MTUS2: variants seen among roughly 807,000 people sequenced by gnomAD.
The protein encoded by MTUS2 is microtubule associated scaffold protein 2, also known as microtubule-associated tumor suppressor candidate 2.
A neutral mutation model predicts 114.1 loss-of-function variants in MTUS2; 40 were observed. That is an observed-to-expected ratio of 0.35 (90% confidence interval 0.27 to 0.46). The LOEUF (loss-of-function observed/expected upper bound fraction) is 0.46, where lower values mean the gene tolerates loss of function less well. MTUS2 is among the 20% of genes least tolerant of loss of function. MTUS2 has a pLI of 1.00. For synonymous variants in MTUS2, 688 were observed against 672.0 expected, an observed-to-expected ratio of 1.02 and a Z score of -0.37; for missense variants, 1,679 against 1,705.4, an observed-to-expected ratio of 0.98 and a Z score of 0.27.
At position 29,025,489 on chromosome 13, in the gene MTUS2, C is replaced by A; in HGVS notation, c.791C>A (p.Ala264Glu). 6.2e-7 allele frequency: 1 copy of A among 1,613,504 alleles called. No individual in the cohort carries two copies. The highest frequency in any genetic ancestry group is 8.5e-7 in the Non-Finnish European group (1 of 1,179,674). The change falls in exon 3 of 16, where the codon GCA (alanine) becomes GAA (glutamate). Residue 264 changes from alanine to glutamate, a missense_variant. Transcript: ENST00000612955. Reference protein sequence around the residue: ...STPSETQTVGAHVLQVCSEHT... With the variant: ...STPSETQTVGEHVLQVCSEHT... Reference sequence around the variant, plus strand: ...CCCTCAGAGACCCAAACAGTGGGGGCACATGTACTGCAGGTGTGCAGTGAG... The same window carrying A: ...CCCTCAGAGACCCAAACAGTGGGGGAACATGTACTGCAGGTGTGCAGTGAG...
At chr13:29,001,190 T>C (rs900328417) in intron 2 of MTUS2, among the ~76,000 whole-genome samples, 1 of 151,806 alleles carries the variant, frequency 6.6e-6, no homozygotes, top group Non-Finnish European at 1.5e-5. Context: ...CTCAGTGAGC[T>C]GAAGAGCCAC....
rs1225289191 is a variant in MTUS2 at position 29,365,668 on chromosome 13, G to A, written c.3117+6195G>A. 3.3e-5 allele frequency among the ~76,000 whole-genome samples: 5 copies of A among 152,120 alleles called. No individual in the cohort carries two copies. In the East Asian group the frequency reaches 9.7e-4, roughly 29 times the overall value. On this transcript the variant is annotated intron_variant, in intron 8 of 15. Transcript: ENST00000612955. ...TGGTTAAACCTGGTCTGTAGTAAAA[G>A]TGCGTGCCTTTAAGATATTCTGGGA... is the stretch of plus-strand genomic sequence containing the variant.
chr13:28,944,971 C>G (rs907180372), intron 2 of MTUS2, among the ~76,000 whole-genome samples: 2 of 152,122 alleles, frequency 1.3e-5, no homozygotes, highest in Non-Finnish European at 2.9e-5. Flanking sequence ...TTCCTCACCC[C>G]CTCCCACCCT....
chr13:28,975,476 TCGCCC>T (rs370272567), intron 2 of MTUS2, among the ~76,000 whole-genome samples: 103,484 of 149,502 alleles, frequency 0.69, 35,488 homozygotes, highest in East Asian at 0.77. Context: ...TGCGGCAGCA[TCGCCC>T]TCCCCTGCGG....
At chr13:29,355,210 CAGCCTTTGCACGCAACGCCT>C (rs1159146893) in intron 7 of MTUS2, among the ~76,000 whole-genome samples, 1 of 152,174 alleles carries the variant, frequency 6.6e-6, no homozygotes, top group Non-Finnish European at 1.5e-5. Context: ...CTCCAGTGCT[CAGCCTTTGCACGCAACGCCT>C]AGCCTTTGCA....
rs117983971 is a variant in MTUS2 at position 28,894,597 on chromosome 13, T to C, written c.-243+54747T>C. 5.6e-3 allele frequency among the ~76,000 whole-genome samples: 860 copies of C among 152,344 alleles called. 8 individuals are homozygous for C. The highest frequency in any genetic ancestry group is 0.014 in the South Asian group (68 of 4,826). On this transcript the variant is annotated intron_variant, in intron 2 of 15. Coordinates refer to ENST00000612955, the MANE Select transcript of MTUS2 (RefSeq NM_001033602.4). ...CAAGCTGACCAATACAGTGCTACCATGTGCAAAACTTAGGACAACTGAGGG... is the reference window on the plus strand; with the variant it reads ...CAAGCTGACCAATACAGTGCTACCACGTGCAAAACTTAGGACAACTGAGGG...
At chr13:28,866,721 A>G (rs907448354) in intron 2 of MTUS2, among the ~76,000 whole-genome samples, 2 of 152,132 alleles carry the variant, frequency 1.3e-5, no homozygotes, top group African/African-American at 4.8e-5. Context: ...GTTAACTTGT[A>G]GTAGTTTGAA....
intron 1 of MTUS2, among the ~76,000 whole-genome samples, chr13:28,826,795 G>A (rs911961093): frequency 2.0e-5 from 3 of 152,128 alleles, no homozygotes; most frequent in Non-Finnish European, 2.9e-5. Flanking sequence ...ATATAGCCTT[G>A]GATTACAATA....
chr13:29,150,785 T>G (rs1892632685), intron 5 of MTUS2, among the ~76,000 whole-genome samples: 1 of 152,178 alleles, frequency 6.6e-6, no homozygotes. Context: ...CACCACTTAT[T>G]GAATAGGGAG....
At chr13:29,194,644 G>T (rs1477069820) in intron 5 of MTUS2, among the ~76,000 whole-genome samples, 2 of 148,208 alleles carry the variant, frequency 1.3e-5, no homozygotes, top group African/African-American at 2.5e-5. Flanking sequence ...TACACTGTTG[G>T]TGGGACTGTA....
At chr13:29,090,561 A>C (rs772253532) in intron 4 of MTUS2, among the ~76,000 whole-genome samples, 3 of 152,178 alleles carry the variant, frequency 2.0e-5, no homozygotes, top group African/African-American at 7.2e-5. Context: ...AAATGTTCCA[A>C]TGGGAAGGCA....
chr13:29,416,888 T>G (rs2138575223), intron 8 of MTUS2, among the ~76,000 whole-genome samples: 1 of 152,332 alleles, frequency 6.6e-6, no homozygotes, highest in South Asian at 2.1e-4. Flanking sequence ...TAATAAGTCT[T>G]AGAGTTGCTA....
chr13:29,412,791 C>T (rs1205046320), intron 8 of MTUS2, among the ~76,000 whole-genome samples: 1 of 152,104 alleles, frequency 6.6e-6, no homozygotes, highest in African/African-American at 2.4e-5. Flanking sequence ...ACTCCGGAGG[C>T]TGAGGCAGGA....
intron 2 of MTUS2, among the ~76,000 whole-genome samples, chr13:28,927,557 C>T (rs1881390393): frequency 6.6e-6 from 1 of 152,134 alleles, no homozygotes; most frequent in Non-Finnish European, 1.5e-5. Context: ...CAAAATGAGA[C>T]CTTGTCTCTT....
At chr13:29,453,124 C>T (rs926265600) in intron 9 of MTUS2, among the ~76,000 whole-genome samples, 4 of 152,152 alleles carry the variant, frequency 2.6e-5, no homozygotes, top group African/African-American at 7.2e-5. Context: ...CATATCAGGC[C>T]ATCTTTGCTT....
chr13:29,488,775 TAA>T (rs1881837706), intron 11 of MTUS2, among the ~76,000 whole-genome samples: 1 of 152,240 alleles, frequency 6.6e-6, no homozygotes, highest in African/African-American at 2.4e-5. Context: ...GGGTGTGCGT[TAA>T]GTCTCCAGAT....
intron 8 of MTUS2, among the ~76,000 whole-genome samples, chr13:29,405,576 G>T (rs1477471237): frequency 6.6e-6 from 1 of 152,128 alleles, no homozygotes; most frequent in African/African-American, 2.4e-5. Flanking sequence ...GGCATGTTTG[G>T]TAGTGAGAGA....
At chr13:28,919,794 G>T (rs1880945541) in intron 2 of MTUS2, among the ~76,000 whole-genome samples, 1 of 151,790 alleles carries the variant, frequency 6.6e-6, no homozygotes, top group Non-Finnish European at 1.5e-5. Context: ...CTGTATTTTC[G>T]AATCGCTTGT....
At chr13:29,362,829 T>G (rs185818750) in intron 8 of MTUS2, among the ~76,000 whole-genome samples, 16 of 152,336 alleles carry the variant, frequency 1.1e-4, no homozygotes, top group Non-Finnish European at 5.9e-5. Context: ...GAAAAAGAAT[T>G]AGAAGCCCAG....
Sources: gnomAD v4.1 joint callset for allele counts (sites outside exome capture counted in the v4.1 genomes callset) on GRCh38, gnomAD v4.1.1 for gene constraint, MANE v1.5 for transcripts, NCBI Gene and HGNC (gene_info 2026-07-23, HGNC 2026-07-21) for gene names.